The following CFAP418 variants were observed in gnomAD, a reference collection of about 807,000 sequenced individuals.
CFAP418 encodes the protein cilia and flagella associated protein 418.
Under a neutral mutation model 24.7 loss-of-function variants are expected in CFAP418, and 27 were observed. The observed-to-expected ratio is 1.09, with a 90% CI of 0.81 to 1.51. The LOEUF (loss-of-function observed/expected upper bound fraction) is 1.51. CFAP418 is among the 40% of genes most tolerant of loss of function. The probability of loss-of-function intolerance (pLI) is 0.00; values close to 1 mark genes in which losing one functional copy is unlikely to be tolerated. For synonymous variants in CFAP418, 74 were observed against 87.3 expected (o/e 0.85, Z 0.85); for missense variants, 257 against 255.2 (o/e 1.01, Z -0.05).
chr8:95,259,009 A>ATG (rs796227964), intron 4 of CFAP418, among the ~76,000 whole-genome samples: 2 of 152,324 alleles, frequency 1.3e-5, no homozygotes, highest in African/African-American at 4.8e-5. Flanking sequence ...ATTTCTCAGA[A>ATG]TGTATCCTTG....
intron 2 of CFAP418, among the ~76,000 whole-genome samples, chr8:95,262,767 G>C (rs2132163568): frequency 6.6e-6 from 1 of 152,118 alleles, no homozygotes; most frequent in Non-Finnish European, 1.5e-5. Flanking sequence ...TCCGTATATG[G>C]GTAAAAGAAG....
At position 95,255,293 on chromosome 8, in the gene CFAP418, G is replaced by A. The variant is rs114933726; in HGVS notation, c.375-3010C>T. Among the ~76,000 whole-genome samples, 501 of 152,230 alleles carry A rather than the reference G, an allele frequency of 3.3e-3. 2 individuals carry two copies. The highest frequency in any genetic ancestry group is 0.017 in the Middle Eastern group (5 of 294). ...TGGCCATTCTTTCCCTACTCATTAT[G>A]CTCCAGCATGGCCAGATACTCTCTG... On this transcript the variant is annotated intron_variant, in intron 4 of 5. Coordinates refer to ENST00000286688, the MANE Select transcript of CFAP418 (RefSeq NM_177965.4).
At chr8:95,260,763 A>G (rs1424224839) in intron 2 of CFAP418, among the ~76,000 whole-genome samples, 1 of 152,212 alleles carries the variant, frequency 6.6e-6, no homozygotes, top group Non-Finnish European at 1.5e-5. Context: ...TAGGCTAGGA[A>G]ACTGATATAT....
intron 1 of CFAP418, among the ~76,000 whole-genome samples, chr8:95,267,570 C>T (rs1812013747): frequency 6.6e-6 from 1 of 152,132 alleles, no homozygotes; most frequent in Admixed American, 6.5e-5. Context: ...GCCTGGGCGA[C>T]AGAGCGAAAC....
rs778965204 is a variant in CFAP418 at position 95,247,568 on chromosome 8, T to C, written c.*49A>G. ...ATTGTCTAAACATGATGATGATTCATGGAGACCACTCTCATGGATGCATCT... is the reference window on the plus strand; with the variant it reads ...ATTGTCTAAACATGATGATGATTCACGGAGACCACTCTCATGGATGCATCT... On this transcript the variant is annotated 3_prime_UTR_variant, in exon 6 of 6. Transcript: ENST00000286688. The C allele has an allele frequency of 4.4e-6, 7 of 1,607,526 alleles. No individual in the cohort carries two copies. In the Admixed American group the frequency reaches 8.3e-5, roughly 19 times the overall value.
intron 4 of CFAP418, among the ~76,000 whole-genome samples, chr8:95,253,218 G>T (rs998018622): frequency 6.6e-6 from 1 of 152,208 alleles, no homozygotes; most frequent in Admixed American, 6.5e-5. Context: ...GCTGAGGCAG[G>T]AGAATGGCGT....
intron 1 of CFAP418, among the ~76,000 whole-genome samples, chr8:95,268,620 C>T (rs1030540906): frequency 6.6e-6 from 1 of 152,012 alleles, no homozygotes; most frequent in Admixed American, 6.5e-5. Flanking sequence ...CAAAATGCGG[C>T]CGAGGTCAGC....
rs1399870320 is a variant in CFAP418 at position 95,249,884 on chromosome 8, A to G, written c.471-2114T>C. Among the ~76,000 whole-genome samples the G allele has an allele frequency of 2.0e-5, 3 of 152,194 alleles. No homozygotes were observed. In the East Asian group the frequency reaches 5.8e-4, roughly 29 times the overall value. On this transcript the variant is annotated intron_variant, in intron 5 of 5. Coordinates refer to ENST00000286688, the MANE Select transcript of CFAP418 (RefSeq NM_177965.4). ...CTCAAAACCAGGTCGCCAGGTATGA[A>G]AGCCTTCAATTTCCTGGCAAGCTCA...
intron 5 of CFAP418, among the ~76,000 whole-genome samples, chr8:95,250,953 A>G (rs1811696751): frequency 6.6e-6 from 1 of 152,128 alleles, no homozygotes; most frequent in African/African-American, 2.4e-5. Context: ...AAAGTCTCTT[A>G]CCCTTTTCTT....
intron 1 of CFAP418, among the ~76,000 whole-genome samples, chr8:95,266,129 G>T (rs1811975259): frequency 6.6e-6 from 1 of 152,062 alleles, no homozygotes; most frequent in Non-Finnish European, 1.5e-5. Context: ...AATGAAATGG[G>T]GATAACAGTA....
At position 95,269,108 on chromosome 8, in the gene CFAP418, C is replaced by T. The variant is rs768222931; in HGVS notation, c.82G>A (p.Glu28Lys). The T allele has an allele frequency of 5.6e-5, 90 of 1,614,040 alleles. No homozygotes were observed. Among genetic ancestry groups the T allele is most frequent in the Non-Finnish European group, 7.4e-5 (87 of 1,180,028 alleles). The change falls in exon 1 of 6, where the codon GAG (glutamate) becomes AAG (lysine). Residue 28 changes from glutamate to lysine, a missense_variant. By Grantham distance (56) the Glu-to-Lys change is moderately conservative. Coordinates refer to ENST00000286688, the MANE Select transcript of CFAP418 (RefSeq NM_177965.4). ...TPDLLRRGMV[E>K]QPKGCGGGTH... ...CCGCCGCCGCAGCCTTTGGGCTGCT[C>T]GACCATACCCCGTCTTAGAAGGTCA... is the stretch of plus-strand genomic sequence containing the variant.
At chr8:95,249,954 G>A (rs1279390685) in intron 5 of CFAP418, among the ~76,000 whole-genome samples, 1 of 152,100 alleles carries the variant, frequency 6.6e-6, no homozygotes, top group African/African-American at 2.4e-5. Context: ...CAGTCACAGA[G>A]GTCTTCCTTT....
At chr8:95,261,353 T>TA (rs763931379) in intron 2 of CFAP418, among the ~76,000 whole-genome samples, 1 of 152,202 alleles carries the variant, frequency 6.6e-6, no homozygotes, top group African/African-American at 2.4e-5. Context: ...TGAAAAATAA[T>TA]AATATGCACG....
chr8:95,268,654 G>C (rs1167570385), intron 1 of CFAP418, among the ~76,000 whole-genome samples: 2 of 151,788 alleles, frequency 1.3e-5, no homozygotes, highest in African/African-American at 4.8e-5. Context: ...GGTTAAGAAC[G>C]GGGCGCCTGA....
intron 1 of CFAP418, among the ~76,000 whole-genome samples, 180 bp from the exon 2 acceptor site, chr8:95,263,954 A>C (rs1811934196): frequency 6.6e-6 from 1 of 152,190 alleles, no homozygotes; most frequent in African/African-American, 2.4e-5. Flanking sequence ...ATACTTTATC[A>C]GGTACAAATT....
At chr8:95,256,385 CCAGTGTGCCTG>C (rs1811791476) in intron 4 of CFAP418, among the ~76,000 whole-genome samples, 1 of 152,134 alleles carries the variant, frequency 6.6e-6, no homozygotes, top group Admixed American at 6.5e-5. Context: ...TAATTAGAAC[CCAGTGTGCCTG>C]CAGTACCTAG....
At chr8:95,263,282 T>C (rs573806207) in intron 2 of CFAP418, among the ~76,000 whole-genome samples, 2 of 152,282 alleles carry the variant, frequency 1.3e-5, no homozygotes, top group African/African-American at 4.8e-5. Flanking sequence ...AAAACTGAAA[T>C]ATTAACAATT....
At position 95,252,202 on chromosome 8, in the gene CFAP418, A is replaced by G. The variant is rs1298964816; in HGVS notation, c.456T>C (p.Asp152=). 3 of 1,612,238 alleles carry G rather than the reference A, an allele frequency of 1.9e-6. No individual in the cohort carries two copies. The highest frequency in any genetic ancestry group is 3.3e-5 in the Admixed American group (2 of 59,738). ...TAGCAACATACCTGAAAAACAGATA[A>G]TCACACGATTTGTCCCACATATAGT... ...YDDYMWDKSC[D]YLFFRNNMPE... The change falls in exon 5 of 6, where the codon GAT becomes GAC. Residue 152 remains aspartate, a synonymous_variant. Coordinates refer to ENST00000286688, the MANE Select transcript of CFAP418 (RefSeq NM_177965.4).
chr8:95,264,740 T>TGGA (rs1811947051), intron 1 of CFAP418, among the ~76,000 whole-genome samples: 1 of 152,318 alleles, frequency 6.6e-6, no homozygotes, highest in East Asian at 1.9e-4. Context: ...ACATAGGCCT[T>TGGA]CTTCATTACA....
Sources: allele counts gnomAD v4.1 joint callset (sites outside exome capture counted in the v4.1 genomes callset), GRCh38; gene constraint gnomAD v4.1.1; transcripts MANE v1.5; gene names NCBI Gene and HGNC (gene_info 2026-07-23, HGNC 2026-07-21).